LRPAP1: variants seen among roughly 807,000 people sequenced by gnomAD.
The protein encoded by LRPAP1 is alpha-2-macroglobulin receptor-associated protein.
In LRPAP1, 41 loss-of-function variants were observed where a neutral mutation model predicts 39.9. That is an observed-to-expected ratio of 1.03 (90% CI 0.80 to 1.33). LRPAP1 has a LOEUF of 1.33. LRPAP1 is among the 40% of genes most tolerant of loss of function. The pLI is 0.00. For missense variants in LRPAP1, 565 were observed against 482.3 expected (o/e 1.17, Z -1.61); for synonymous variants, 263 against 212.7 (o/e 1.24, Z -2.06).
chr4:3,522,990 C>T (rs1461728931), intron 2 of LRPAP1, among the ~76,000 whole-genome samples: 1 of 152,176 alleles, frequency 6.6e-6, no homozygotes, highest in Non-Finnish European at 1.5e-5. Flanking sequence ...TGGCGGGGAA[C>T]TGGCCAGGAC....
rs1292133553 is a variant in LRPAP1, at chr4:3,506,347, G to A, written c.*6627C>T. 1 of 138,104 alleles carries A rather than the reference G, an allele frequency of 7.2e-6. No individual in the cohort carries two copies. The highest frequency in any genetic ancestry group is 1.6e-5 in the Non-Finnish European group (1 of 63,482). 8.6% of individuals were successfully genotyped at this position (138,104 alleles called of 1,614,324 possible). ...TCCCAAAGTGCTGGGATTCCAGGCG[G>A]GAGCCACCCACACTTGGCTCAAGCT... On this transcript the variant is annotated 3_prime_UTR_variant, in exon 8 of 8. Coordinates refer to ENST00000650182, the MANE Select transcript of LRPAP1 (RefSeq NM_002337.4).
intron 2 of LRPAP1, among the ~76,000 whole-genome samples, chr4:3,521,404 A>G (rs1577208079): frequency 6.6e-6 from 1 of 152,176 alleles, no homozygotes; most frequent in African/African-American, 2.4e-5. Context: ...ACCCTACTGG[A>G]CAGAACTACT....
At position 3,504,713 on chromosome 4, in the gene LRPAP1, G is replaced by C. The variant is rs2858025; in HGVS notation, c.*8261C>G. Among the ~76,000 whole-genome samples, 78,345 of 143,166 alleles carry C rather than the reference G, an allele frequency of 0.55. 22,552 individuals carry two copies. The highest frequency in any genetic ancestry group is 0.92 in the East Asian group (4,461 of 4,844). 93.9% of individuals were successfully genotyped at this position (143,166 alleles called of 152,430 possible). A position where few individuals can be genotyped will look rare whatever the true frequency, so the allele number is the denominator to read the frequency against. ...TGCAGTGAGCCAAGATTGCGCCATT[G>C]CACTGCAGCCTGAGCAATTGAGATT... On this transcript the variant is annotated 3_prime_UTR_variant, in exon 8 of 8. Transcript: ENST00000650182.
In LRPAP1 at chr4:3,514,767, C is replaced by A. The variant is rs1461477934; in HGVS notation, c.996G>T (p.Lys332Asn). 1 of 1,609,756 alleles carries A rather than the reference C, an allele frequency of 6.2e-7. No homozygotes were observed. The highest frequency in any genetic ancestry group is 8.5e-7 in the Non-Finnish European group (1 of 1,179,102). ...EKHALLEGRTKELGYTVKKHL... is the reference protein window; with the variant it reads ...EKHALLEGRTNELGYTVKKHL... ...CCGTGCGCACCGTGTAGCCCAGCTC[C>A]TTGGTCCGCCCCTCCAGCAGGGCGT... The change falls in exon 7 of 8, where the codon AAG (lysine) becomes AAT (asparagine). Residue 332 changes from lysine (K) to asparagine (N), a missense_variant. Physicochemically the swap from Lys to Asn is moderately conservative, Grantham distance 94. Transcript: ENST00000650182.
At chr4:3,532,103 C>T in intron 1 of LRPAP1, 106 bp downstream of exon 1, 1 of 1,286,758 alleles carries the variant, frequency 7.8e-7, no homozygotes, top group Non-Finnish European at 1.1e-6. Flanking sequence ...GCACAGGTGC[C>T]CCGGCTGCGC....
At chr4:3,527,671 G>A (rs941035167) in intron 1 of LRPAP1, among the ~76,000 whole-genome samples, 3 of 152,222 alleles carry the variant, frequency 2.0e-5, no homozygotes, top group African/African-American at 4.8e-5. Context: ...GAGGGGCCCC[G>A]GGTCTGCCCT....
intron 1 of LRPAP1, among the ~76,000 whole-genome samples, chr4:3,528,598 T>C (rs966375340): frequency 6.6e-6 from 1 of 152,206 alleles, no homozygotes; most frequent in Non-Finnish European, 1.5e-5. Context: ...AGAGGGCATG[T>C]GCCATCCTCC....
At position 3,505,720 on chromosome 4, in the gene LRPAP1, G is replaced by C. The variant is rs942747379; in HGVS notation, c.*7254C>G. Among the ~76,000 whole-genome samples the C allele has an allele frequency of 7.3e-5, 11 of 149,700 alleles. 1 individual carries two copies. The South Asian group carries it at 1.1e-3, about 15-fold the overall frequency. On this transcript the variant is annotated 3_prime_UTR_variant, in exon 8 of 8. Coordinates refer to ENST00000650182, the MANE Select transcript of LRPAP1 (RefSeq NM_002337.4). ...CCCCAAGACCGTCTATACCAGCTAC[G>C]CCAAGACCGTCTATACCAGCTACCC...
rs1428970691 is a variant in LRPAP1 at position 3,508,933 on chromosome 4, A to G, written c.*4041T>C. ...AGGCACAGACTGACAAGGGGAAGCA[A>G]AGCCACTGTCAGACAGAGGACACGC... is the stretch of plus-strand genomic sequence containing the variant. On this transcript the variant is annotated 3_prime_UTR_variant, in exon 8 of 8. Coordinates refer to ENST00000650182, the MANE Select transcript of LRPAP1 (RefSeq NM_002337.4). 1 of 152,106 alleles carries G rather than the reference A, an allele frequency of 6.6e-6. No homozygotes were observed. The highest frequency in any genetic ancestry group is 6.5e-5 in the Admixed American group (1 of 15,286). The allele number at this position is 152,106 out of a possible 1,614,324, so 9.4% of individuals were successfully genotyped here. A position where few individuals can be genotyped will look rare whatever the true frequency, so the allele number is the denominator to read the frequency against.
intron 3 of LRPAP1, 88 bp from the exon 4 acceptor site, chr4:3,519,079 C>A: frequency 6.4e-7 from 1 of 1,557,280 alleles, no homozygotes; most frequent in Non-Finnish European, 8.7e-7. Context: ...CATGGCCAGG[C>A]AGGCCCTTGC....
chr4:3,518,289 C>A lies in LRPAP1; in HGVS notation c.593-97G>T. On this transcript the variant is annotated intron_variant, in intron 4 of 7. Coordinates refer to ENST00000650182, the MANE Select transcript of LRPAP1 (RefSeq NM_002337.4). ...CGCCCACTGCTGGGGAGCTCAAACT[C>A]GCTCTCATTTCTGGGCTGAAAATGT... 3.0e-6 allele frequency: 4 copies of A among 1,324,342 alleles called. No homozygotes were observed. In the South Asian group the frequency reaches 6.1e-5, roughly 20 times the overall value. The allele number at this position is 1,324,342 out of a possible 1,614,324, so 82.0% of individuals were successfully genotyped here. A position where few individuals can be genotyped will look rare whatever the true frequency, so the allele number is the denominator to read the frequency against.
At chr4:3,532,123 C>T (rs1730273713) in intron 1 of LRPAP1, 86 bp downstream of exon 1, 1 of 1,442,658 alleles carries the variant, frequency 6.9e-7, no homozygotes. Context: ...CCCCCCTCCG[C>T]CTCCGACCCC....
At chr4:3,517,872 C>T (rs540231869) in intron 5 of LRPAP1, 162 bp downstream of exon 5, 26 of 769,366 alleles carry the variant, frequency 3.4e-5, no homozygotes, top group Non-Finnish European at 4.5e-5. Context: ...CTCCTGGGAG[C>T]GAGGCCTGTG....
chr4:3,527,787 T>C (rs549107647), intron 1 of LRPAP1, among the ~76,000 whole-genome samples: 2 of 152,334 alleles, frequency 1.3e-5, no homozygotes, highest in African/African-American at 2.4e-5. Flanking sequence ...GGGCCCATCC[T>C]GGCAGGCTCA....
At position 3,522,564 on chromosome 4, in the gene LRPAP1, CA is replaced by C. The variant is rs138377538; in HGVS notation, c.349+2342del. Among the ~76,000 whole-genome samples the C allele has an allele frequency of 9.2e-3, 729 of 79,534 alleles. 6 individuals carry two copies. The highest frequency in any genetic ancestry group is 0.013 in the African/African-American group (314 of 24,124). The allele number at this position is 79,534 out of a possible 152,430, so 52.2% of individuals were successfully genotyped here. The stretch of plus-strand genomic sequence containing the variant: ...CGCCCTGCCCGGGGAGGACAGACGC[CA>C]CCCCACACTCCCTGCCTGGGGAAGT... On this transcript the variant is annotated intron_variant, in intron 2 of 7. Coordinates refer to ENST00000650182, the MANE Select transcript of LRPAP1 (RefSeq NM_002337.4).
intron 2 of LRPAP1, among the ~76,000 whole-genome samples, chr4:3,523,455 CCT>C (rs1453996080): frequency 6.6e-6 from 1 of 152,190 alleles, no homozygotes; most frequent in African/African-American, 2.4e-5. Context: ...TGAAGCCGGC[CCT>C]CTGTCTTTAA....
rs1162100375 is a variant in LRPAP1 at position 3,532,400 on chromosome 4, T to C, written c.13A>G (p.Arg5Gly). The change falls in exon 1 of 8, where the codon AGG (arginine) becomes GGG (glycine). Residue 5 changes from arginine to glycine, a missense_variant. Transcript: ENST00000650182. MAPR[R>G]VRSFLRGLPA... ...AGCCCGCGCAGAAACGACCTGACCC[T>C]CCGCGGCGCCATCTTCCTCTGCGAC... The C allele has an allele frequency of 7.6e-6, 12 of 1,575,464 alleles. No homozygotes were observed. Among genetic ancestry groups the C allele is most frequent in the Non-Finnish European group, 8.6e-6 (10 of 1,162,084 alleles).
At chr4:3,520,027 G>GT (rs1799746) in intron 3 of LRPAP1, 45 bp downstream of exon 3, 309,736 of 1,604,130 alleles carry the variant, frequency 0.19, 31,867 homozygotes, top group South Asian at 0.32. Flanking sequence ...AACACTCAAC[G>GT]TAACGGCACC....
rs1480677510 is a variant in LRPAP1, at chr4:3,508,427, T to C, written c.*4547A>G. The C allele has an allele frequency of 6.6e-6, 1 of 152,114 alleles. No homozygotes were observed. The highest frequency in any genetic ancestry group is 1.5e-5 in the Non-Finnish European group (1 of 68,022). The allele number at this position is 152,114 out of a possible 1,614,324, so 9.4% of individuals were successfully genotyped here. A position where few individuals can be genotyped will look rare whatever the true frequency, so the allele number is the denominator to read the frequency against. ...CAAATAATGCCAATCCTATACAAAC[T>C]ATGGCAGAACTTGTTTCAGGAGGCC... On this transcript the variant is annotated 3_prime_UTR_variant, in exon 8 of 8. Transcript: ENST00000650182.
Sources: gnomAD v4.1 joint callset for allele counts (sites outside exome capture counted in the v4.1 genomes callset) on GRCh38, gnomAD v4.1.1 for gene constraint, MANE v1.5 for transcripts, NCBI Gene and HGNC (gene_info 2026-07-23, HGNC 2026-07-21) for gene names.